Variants in KCNN2 observed in about 807,000 individuals in gnomAD.
KCNN2 encodes potassium calcium-activated channel subfamily N member 2, also known as small conductance calcium-activated potassium channel protein 2.
KCNN2 carries 24 observed loss-of-function variants against 55.5 expected under a neutral mutation model. That is an observed-to-expected ratio of 0.43 (90% CI 0.31 to 0.61). The LOEUF (loss-of-function observed/expected upper bound fraction) is 0.61. Ranked by LOEUF, KCNN2 falls within the 20% of genes least tolerant of loss-of-function variation. KCNN2 has a pLI of 0.08. For missense variants in KCNN2, 754 were observed against 853.6 expected (o/e 0.88, Z 1.45); for synonymous variants, 431 against 336.1 (o/e 1.28, Z -3.09).
chr5:114,099,932 T>C (rs13171729), intron 1 of KCNN2, among the ~76,000 whole-genome samples: 32,304 of 151,866 alleles, frequency 0.21, 3,975 homozygotes, highest in African/African-American at 0.34. Flanking sequence ...AGTAAGTCTT[T>C]TGTACTTTTG....
At chr5:114,342,294 C>T (rs1360679360) in intron 2 of KCNN2, among the ~76,000 whole-genome samples, 2 of 152,078 alleles carry the variant, frequency 1.3e-5, no homozygotes, top group Admixed American at 1.3e-4. Context: ...CCTCCTTAGG[C>T]AAGGAGCTGT....
chr5:114,299,964 C>T lies in KCNN2; in HGVS notation c.-184-60981C>T, dbSNP rs543705874. The stretch of plus-strand genomic sequence containing the variant: ...CTGTTTATTCAGAAGTCATCTCCAA[C>T]CTGGAAAAGAGACTTTCTGGGGCTA... On this transcript the variant is annotated intron_variant, in intron 2 of 10. Transcript: ENST00000512097. Among the ~76,000 whole-genome samples the T allele has an allele frequency of 1.4e-4, 21 of 152,140 alleles. No homozygotes were observed. The South Asian group carries it at 2.5e-3, about 18-fold the overall frequency.
chr5:114,089,703 C>A (rs943274936), intron 1 of KCNN2, among the ~76,000 whole-genome samples: 1 of 152,112 alleles, frequency 6.6e-6, no homozygotes, highest in African/African-American at 2.4e-5. Flanking sequence ...AGAATGGGGT[C>A]TGAAAATTGC....
chr5:114,421,321 C>T (rs1006509946), intron 3 of KCNN2, among the ~76,000 whole-genome samples: 2 of 151,886 alleles, frequency 1.3e-5, no homozygotes, highest in African/African-American at 2.4e-5. Flanking sequence ...GACAGAGTCT[C>T]GCTCTGTGGC....
At chr5:114,124,586 C>G (rs1751893816) in intron 1 of KCNN2, among the ~76,000 whole-genome samples, 1 of 152,178 alleles carries the variant, frequency 6.6e-6, no homozygotes, top group Non-Finnish European at 1.5e-5. Context: ...CACCACATTA[C>G]CTGTCTGACC....
rs192946246 is a variant in KCNN2 at position 114,229,718 on chromosome 5, C to T, written c.-185+8153C>T. 1.0e-3 allele frequency among the ~76,000 whole-genome samples: 156 copies of T among 149,200 alleles called. 4 individuals carry two copies. The East Asian group carries it at 0.028, about 27-fold the overall frequency. On this transcript the variant is annotated intron_variant, in intron 2 of 10. Transcript: ENST00000512097. ...AAAACAAAGGAAACCTTATTTTGTT[C>T]AGGTTTAATTATTGGGAAAAGTCTA...
chr5:114,476,777 A>G (rs1761987611), intron 5 of KCNN2, among the ~76,000 whole-genome samples: 1 of 152,148 alleles, frequency 6.6e-6, no homozygotes, highest in Non-Finnish European at 1.5e-5. Context: ...TAATGTTAAA[A>G]TGACACTAGA....
chr5:114,167,938 C>G (rs1372832942), intron 1 of KCNN2, among the ~76,000 whole-genome samples: 1 of 152,006 alleles, frequency 6.6e-6, no homozygotes, highest in Non-Finnish European at 1.5e-5. Flanking sequence ...CTTACCTGGG[C>G]TCTTTTATTT....
intron 5 of KCNN2, among the ~76,000 whole-genome samples, chr5:114,484,372 T>C (rs567060802): frequency 6.6e-6 from 1 of 152,298 alleles, no homozygotes; most frequent in East Asian, 1.9e-4. Context: ...GTACAATGTA[T>C]ACTATTTGGG....
chr5:114,377,986 C>G (rs935886367), intron 2 of KCNN2, among the ~76,000 whole-genome samples: 4 of 152,094 alleles, frequency 2.6e-5, no homozygotes, highest in Non-Finnish European at 5.9e-5. Flanking sequence ...AGCCTAGAAT[C>G]TAGGAGTATC....
chr5:114,141,177 A>G (rs1752271104), intron 1 of KCNN2, among the ~76,000 whole-genome samples: 1 of 152,032 alleles, frequency 6.6e-6, no homozygotes, highest in Non-Finnish European at 1.5e-5. Flanking sequence ...CATGTGCACA[A>G]TGTGCAGGTT....
intron 1 of KCNN2, among the ~76,000 whole-genome samples, chr5:114,165,361 A>G (rs751266228): frequency 3.5e-4 from 54 of 152,216 alleles, no homozygotes; most frequent in African/African-American, 9.6e-5. Flanking sequence ...CTTGATGAAT[A>G]GTAAACATAT....
At chr5:114,382,116 A>T (rs1359600405) in intron 2 of KCNN2, among the ~76,000 whole-genome samples, 1 of 152,224 alleles carries the variant, frequency 6.6e-6, no homozygotes, top group Non-Finnish European at 1.5e-5. Flanking sequence ...TTAATCATGG[A>T]TCAGAAATAG....
intron 2 of KCNN2, among the ~76,000 whole-genome samples, chr5:114,275,238 G>A (rs145692721): frequency 2.5e-3 from 384 of 152,200 alleles, no homozygotes; most frequent in African/African-American, 8.3e-3. Context: ...CAGTTTGCCC[G>A]TATTTTATTG....
At chr5:114,093,793 A>G (rs10063341) in intron 1 of KCNN2, among the ~76,000 whole-genome samples, 2 of 152,100 alleles carry the variant, frequency 1.3e-5, no homozygotes, top group Non-Finnish European at 1.5e-5. Flanking sequence ...CCATGATCCA[A>G]TTACCTCCAC....
intron 4 of KCNN2, among the ~76,000 whole-genome samples, chr5:114,466,800 A>G (rs1211297204): frequency 6.6e-6 from 1 of 152,312 alleles, no homozygotes; most frequent in East Asian, 1.9e-4. Flanking sequence ...ATAAACCACT[A>G]GACTTTGACA....
At chr5:114,161,668 T>G (rs1379764799) in intron 1 of KCNN2, among the ~76,000 whole-genome samples, 1 of 152,222 alleles carries the variant, frequency 6.6e-6, no homozygotes, top group Non-Finnish European at 1.5e-5. Context: ...TCTTTTCACA[T>G]AGTCCCATAT....
chr5:114,188,548 C>T (rs1277821977), intron 1 of KCNN2, among the ~76,000 whole-genome samples: 1 of 152,050 alleles, frequency 6.6e-6, no homozygotes, highest in Non-Finnish European at 1.5e-5. Context: ...CATCAGGAGT[C>T]TAAACAAAGT....
chr5:114,334,827 T>A (rs919816252), intron 2 of KCNN2, among the ~76,000 whole-genome samples: 2 of 152,210 alleles, frequency 1.3e-5, no homozygotes, highest in Non-Finnish European at 2.9e-5. Context: ...CCCATGTTAA[T>A]TATGTAAGAT....
Sources: gnomAD v4.1 joint callset for allele counts (sites outside exome capture counted in the v4.1 genomes callset) on GRCh38, gnomAD v4.1.1 for gene constraint, MANE v1.5 for transcripts, NCBI Gene and HGNC (gene_info 2026-07-23, HGNC 2026-07-21) for gene names.